Variants in SLC16A10 observed in about 807,000 individuals in gnomAD.
SLC16A10 encodes the protein solute carrier family 16 member 10, also known as monocarboxylate transporter 10.
Under a neutral mutation model 40.0 loss-of-function variants are expected in SLC16A10, and 27 were observed. The observed-to-expected ratio is 0.67, with a 90% confidence interval of 0.50 to 0.93. SLC16A10 has a LOEUF of 0.93. Ranked by LOEUF, SLC16A10 falls within the 40% of genes least tolerant of loss-of-function variation. The probability of loss-of-function intolerance (pLI) is 0.00; values close to 1 mark genes in which losing one functional copy is unlikely to be tolerated. For missense variants in SLC16A10, 529 were observed against 658.2 expected, an observed-to-expected ratio of 0.80 and a Z score of 2.15; for synonymous variants, 213 against 249.8, an observed-to-expected ratio of 0.85 and a Z score of 1.39.
chr6:111,225,839 T>TA lies in SLC16A10; in HGVS notation c.*3605dup, dbSNP rs1483713705. The TA allele has an allele frequency of 1.3e-5, 2 of 152,172 alleles. No homozygotes were observed. Among genetic ancestry groups the TA allele is most frequent in the African/African-American group, 4.8e-5 (2 of 41,438 alleles). 9.4% of individuals were successfully genotyped at this position (152,172 alleles called of 1,614,324 possible). ...TATGTACCTTTTGTCTTACTCTTCT[T>TA]ACATTATTCTTATCCTCATCATTTT... On this transcript the variant is annotated 3_prime_UTR_variant, in exon 6 of 6. Transcript: ENST00000368851.
At chr6:111,105,729 C>T (rs186611467) in intron 1 of SLC16A10, among the ~76,000 whole-genome samples, 48 of 152,292 alleles carry the variant, frequency 3.2e-4, no homozygotes, top group East Asian at 1.4e-3. Flanking sequence ...CAGGTTGGCA[C>T]GGTGCCTGTG....
chr6:111,191,892 G>A (rs901142411), intron 3 of SLC16A10, among the ~76,000 whole-genome samples: 1 of 152,042 alleles, frequency 6.6e-6, no homozygotes, highest in African/African-American at 2.4e-5. Flanking sequence ...ATTTGTTAAA[G>A]TTCCTTGTAG....
At chr6:111,203,122 A>G (rs1360962641) in intron 3 of SLC16A10, among the ~76,000 whole-genome samples, 2 of 152,176 alleles carry the variant, frequency 1.3e-5, no homozygotes, top group African/African-American at 4.8e-5. Context: ...TTTATTAGAA[A>G]TATCCATTTT....
chr6:111,191,641 G>T (rs1333455443), intron 3 of SLC16A10, among the ~76,000 whole-genome samples: 1 of 152,214 alleles, frequency 6.6e-6, no homozygotes, highest in Non-Finnish European at 1.5e-5. Flanking sequence ...CACCAACAGT[G>T]TAAAAGCGTT....
At chr6:111,154,267 T>C (rs1772228231) in intron 1 of SLC16A10, among the ~76,000 whole-genome samples, 1 of 152,196 alleles carries the variant, frequency 6.6e-6, no homozygotes, top group Non-Finnish European at 1.5e-5. Context: ...TTATATTACT[T>C]CATTCCGCAA....
intron 1 of SLC16A10, among the ~76,000 whole-genome samples, chr6:111,113,905 G>A (rs1051713243): frequency 6.6e-6 from 1 of 152,126 alleles, no homozygotes; most frequent in Admixed American, 6.5e-5. Flanking sequence ...CAGTGCCTGC[G>A]TGGCTGATAT....
intron 4 of SLC16A10, among the ~76,000 whole-genome samples, chr6:111,209,116 A>C (rs1237195155): frequency 6.6e-6 from 1 of 152,064 alleles, no homozygotes; most frequent in Non-Finnish European, 1.5e-5. Context: ...CTGAGGTGGG[A>C]GGACTTTGAG....
At chr6:111,144,230 G>A (rs1253058456) in intron 1 of SLC16A10, among the ~76,000 whole-genome samples, 1 of 152,152 alleles carries the variant, frequency 6.6e-6, no homozygotes. Flanking sequence ...TTGAGACGGA[G>A]TCTCTCTCTG....
intron 1 of SLC16A10, among the ~76,000 whole-genome samples, chr6:111,107,393 G>A (rs1288806981): frequency 6.6e-6 from 1 of 152,198 alleles, no homozygotes; most frequent in African/African-American, 2.4e-5. Context: ...TGGGTAGAAG[G>A]ATGGTGAAAT....
At chr6:111,178,241 C>T (rs1772725350) in intron 3 of SLC16A10, among the ~76,000 whole-genome samples, 1 of 152,156 alleles carries the variant, frequency 6.6e-6, no homozygotes, top group Non-Finnish European at 1.5e-5. Context: ...AGAAACATTA[C>T]ATCTACTTGT....
chr6:111,172,596 AAAAAT>A (rs2114542121), intron 1 of SLC16A10, 94 bp from the exon 2 acceptor site: 3 of 1,431,426 alleles, frequency 2.1e-6, no homozygotes, highest in South Asian at 3.1e-5. Context: ...CAAAAAAACT[AAAAAT>A]AAAATTTTTC....
rs1771070933 is a variant in SLC16A10, at chr6:111,229,678, ATT to A, written c.*7444_*7445del. The A allele has an allele frequency of 1.3e-5, 2 of 152,326 alleles. No homozygotes were observed. The highest frequency in any genetic ancestry group is 3.4e-3 in the Middle Eastern group (1 of 294). 9.4% of individuals were successfully genotyped at this position (152,326 alleles called of 1,614,324 possible). A position where few individuals can be genotyped will look rare whatever the true frequency, so the allele number is the denominator to read the frequency against. On this transcript the variant is annotated 3_prime_UTR_variant, in exon 6 of 6. Coordinates refer to ENST00000368851, the MANE Select transcript of SLC16A10 (RefSeq NM_018593.5). The stretch of plus-strand genomic sequence containing the variant: ...TTTGAAATTTATCACTGAAAGTATC[ATT>A]GTTTGTCTTTCAGATTTAACATAAA...
chr6:111,202,569 A>C (rs1773185293), intron 3 of SLC16A10, among the ~76,000 whole-genome samples: 1 of 151,992 alleles, frequency 6.6e-6, no homozygotes, highest in African/African-American at 2.4e-5. Flanking sequence ...CCCAGGATTA[A>C]ACAGATGTTT....
chr6:111,204,207 G>A (rs1474974045), intron 3 of SLC16A10, among the ~76,000 whole-genome samples: 2 of 152,180 alleles, frequency 1.3e-5, no homozygotes, highest in Admixed American at 6.5e-5. Context: ...AAGTCTGAGA[G>A]ATTTAGAAAG....
At chr6:111,190,616 A>G (rs2114564546) in intron 3 of SLC16A10, among the ~76,000 whole-genome samples, 1 of 152,238 alleles carries the variant, frequency 6.6e-6, no homozygotes, top group Middle Eastern at 3.4e-3. Flanking sequence ...GAGGTTCCCA[A>G]CCTCAATTCT....
At chr6:111,146,564 A>G (rs972192213) in intron 1 of SLC16A10, among the ~76,000 whole-genome samples, 3 of 152,006 alleles carry the variant, frequency 2.0e-5, no homozygotes, top group Non-Finnish European at 2.9e-5. Context: ...GTGAAACCCC[A>G]TCTCTACTAA....
At chr6:111,181,843 A>G (rs1440815704) in intron 3 of SLC16A10, among the ~76,000 whole-genome samples, 1 of 152,218 alleles carries the variant, frequency 6.6e-6, no homozygotes, top group East Asian at 1.9e-4. Flanking sequence ...TTAGAAGGAT[A>G]CAAATCTTAT....
In SLC16A10 at chr6:111,157,283, G is replaced by T. The variant is rs1772287711; in HGVS notation, c.344-15412G>T. 2.0e-5 allele frequency among the ~76,000 whole-genome samples: 3 copies of T among 151,718 alleles called. No homozygotes were observed. The South Asian group carries it at 6.3e-4, about 32-fold the overall frequency. ...TGATCGTACTATTGAGATAAAACTT[G>T]GTTGTTGTTGTTGTTTTTGAGATGG... On this transcript the variant is annotated intron_variant, in intron 1 of 5. Transcript: ENST00000368851.
At chr6:111,175,587 G>A (rs1772664847) in intron 2 of SLC16A10, among the ~76,000 whole-genome samples, 1 of 152,142 alleles carries the variant, frequency 6.6e-6, no homozygotes, top group Non-Finnish European at 1.5e-5. Flanking sequence ...TACTTAGGTG[G>A]AAAAACTGAT....
Sources: allele counts gnomAD v4.1 joint callset (sites outside exome capture counted in the v4.1 genomes callset), GRCh38; gene constraint gnomAD v4.1.1; transcripts MANE v1.5; gene names NCBI Gene and HGNC (gene_info 2026-07-23, HGNC 2026-07-21).